Variants in CPLX3 observed in about 807,000 individuals in gnomAD.
The protein encoded by CPLX3 is complexin 3.
In CPLX3, 12 loss-of-function variants were observed where a neutral mutation model predicts 17.2. That is an observed-to-expected ratio of 0.70 (90% CI 0.45 to 1.13). CPLX3 has a LOEUF of 1.13. Among genes scored for constraint, CPLX3 ranks in the 50% most tolerant of loss-of-function variants. The pLI is 0.00. For missense variants in CPLX3, 172 were observed against 203.2 expected (o/e 0.85, Z 0.93); for synonymous variants, 75 against 79.4 (o/e 0.94, Z 0.29).
Position 74,830,354 on chromosome 15 carries a change from A to G in CPLX3, c.477A>G (p.Ter159TrpextTer37). The change falls in exon 3 of 3, where the codon TGA becomes TGG. Residue 159 changes from the stop codon to tryptophan, a stop_lost. Transcript: ENST00000395018. ...CAGCTGAGAAGTGTCACGTCATGTG[A>G]CCACTTCCCCGGGGTTACCCACTGG... ...KQSAEKCHVM[*>W] The G allele has an allele frequency of 6.2e-7, 1 of 1,611,308 alleles. No individual in the cohort carries two copies.
chr15:74,829,370 G>A (rs971024780), intron 2 of CPLX3, among the ~76,000 whole-genome samples: 2 of 152,098 alleles, frequency 1.3e-5, no homozygotes, highest in South Asian at 4.2e-4. Flanking sequence ...AAACACAGAT[G>A]TTGGAATCAG....
rs2063967834 is a variant in CPLX3, at chr15:74,831,234, T to C, written c.*880T>C. On this transcript the variant is annotated 3_prime_UTR_variant, in exon 3 of 3. Coordinates refer to ENST00000395018, the MANE Select transcript of CPLX3 (RefSeq NM_001030005.3). The stretch of plus-strand genomic sequence containing the variant: ...TGAAAAATAAAAATCCCAAATGGTG[T>C]GCCTACCTTCCCACTTCTTACTGGC... 6.6e-6 allele frequency: 1 copy of C among 152,484 alleles called. No individual in the cohort carries two copies. The highest frequency in any genetic ancestry group is 1.5e-5 in the Non-Finnish European group (1 of 68,078). The allele number at this position is 152,484 out of a possible 1,614,324, so 9.4% of individuals were successfully genotyped here.
At chr15:74,829,789 G>C (rs1449561159) in intron 2 of CPLX3, among the ~76,000 whole-genome samples, 1 of 152,058 alleles carries the variant, frequency 6.6e-6, no homozygotes, top group Non-Finnish European at 1.5e-5. Context: ...AATATAAAAA[G>C]GTCTCCATGT....
At position 74,830,521 on chromosome 15, in the gene CPLX3, G is replaced by A. The variant is rs538360936; in HGVS notation, c.*167G>A. ...CCTATCTTCTGGTTTCTTCCTCTCC[G>A]CTGGGAGTAAAGTCCCCATCTTCAC... On this transcript the variant is annotated 3_prime_UTR_variant, in exon 3 of 3. Transcript: ENST00000395018. 2.7e-4 allele frequency: 167 copies of A among 620,592 alleles called. 1 individual carries two copies. The highest frequency in any genetic ancestry group is 1.8e-3 in the African/African-American group (98 of 54,422). 38.4% of individuals were successfully genotyped at this position (620,592 alleles called of 1,614,324 possible).
Position 74,828,018 on chromosome 15 carries a change from T to C in CPLX3, c.165-16T>C. On this transcript the variant is annotated splice_polypyrimidine_tract_variant and intron_variant, in intron 1 of 2. Coordinates refer to ENST00000395018, the MANE Select transcript of CPLX3 (RefSeq NM_001030005.3). ...TCTCAGCCCTCGTGGTGACTCTGCC[T>C]CCGGTGACCCTGCAGGATGGAGCGG... The C allele has an allele frequency of 6.3e-7, 1 of 1,592,794 alleles. No homozygotes were observed. Among genetic ancestry groups the C allele is most frequent in the South Asian group, 1.1e-5 (1 of 87,796 alleles).
At position 74,830,496 on chromosome 15, in the gene CPLX3, C is replaced by T; in HGVS notation, c.*142C>T. The T allele has an allele frequency of 1.5e-6, 1 of 684,046 alleles. No homozygotes were observed. The highest frequency in any genetic ancestry group is 2.5e-6 in the Non-Finnish European group (1 of 404,172). 42.4% of individuals were successfully genotyped at this position (684,046 alleles called of 1,614,324 possible). ...AGACCTTTCCCATCCATGCCCCAAG[C>T]CTATCTTCTGGTTTCTTCCTCTCCG... On this transcript the variant is annotated 3_prime_UTR_variant, in exon 3 of 3. Coordinates refer to ENST00000395018, the MANE Select transcript of CPLX3 (RefSeq NM_001030005.3).
At chr15:74,828,217 A>T in intron 2 of CPLX3, 96 bp downstream of exon 2, 2 of 897,946 alleles carry the variant, frequency 2.2e-6, no homozygotes, top group East Asian at 5.3e-5. Flanking sequence ...CTCAGCTATG[A>T]GACTCACAGG....
chr15:74,829,881 C>T (rs1345305310), intron 2 of CPLX3, among the ~76,000 whole-genome samples: 2 of 151,680 alleles, frequency 1.3e-5, no homozygotes, highest in African/African-American at 4.9e-5. Context: ...TCTAAGGGGC[C>T]GGGCACAGTG....
At chr15:74,829,086 C>G (rs141982934) in intron 2 of CPLX3, among the ~76,000 whole-genome samples, 582 of 152,306 alleles carry the variant, frequency 3.8e-3, no homozygotes, top group Non-Finnish European at 6.8e-3. Flanking sequence ...CAAATATTTA[C>G]TGAGTCCCCA....
At chr15:74,828,822 CAG>C in intron 2 of CPLX3, among the ~76,000 whole-genome samples, 1 of 152,244 alleles carries the variant, frequency 6.6e-6, no homozygotes, top group African/African-American at 2.4e-5. Flanking sequence ...GCCAAGCAGC[CAG>C]AGAGTATATC....
At position 74,830,141 on chromosome 15, in the gene CPLX3, T is replaced by C; in HGVS notation, c.264T>C (p.Asp88=). 1 of 1,613,382 alleles carries C rather than the reference T, an allele frequency of 6.2e-7. No individual in the cohort carries two copies. The highest frequency in any genetic ancestry group is 8.5e-7 in the Non-Finnish European group (1 of 1,179,844). ...CCTCTTCCCTTCAGAACGAGACAGA[T>C]GAGAGCCAGATCCAGATGGCAGGTG... The part of the protein sequence containing the change: ...DKYRLPKNET[D]ESQIQMAGGD... Residue 88 remains aspartate, a synonymous_variant, in exon 3 of 3, where the codon GAT becomes GAC. Coordinates refer to ENST00000395018, the MANE Select transcript of CPLX3 (RefSeq NM_001030005.3).
chr15:74,829,880 C>G (rs902729339), intron 2 of CPLX3, among the ~76,000 whole-genome samples: 2 of 152,100 alleles, frequency 1.3e-5, no homozygotes, highest in Non-Finnish European at 2.9e-5. Flanking sequence ...ATCTAAGGGG[C>G]CGGGCACAGT....
rs766486957 is a variant in CPLX3, at chr15:74,826,857, G to T, written c.154G>T (p.Val52Leu). 4 of 1,598,096 alleles carry T rather than the reference G, an allele frequency of 2.5e-6. No homozygotes were observed. The highest frequency in any genetic ancestry group is 3.4e-6 in the Non-Finnish European group (4 of 1,172,416). Residue 52 changes from valine (V) to leucine (L), a missense_variant, in exon 1 of 3, where the codon GTG becomes TTG. Coordinates refer to ENST00000395018, the MANE Select transcript of CPLX3 (RefSeq NM_001030005.3). The surrounding 1 kb of genome is among the most constrained non-coding windows in gnomAD (Gnocchi z 5.0). Reference sequence around the variant, plus strand: ...GTACGAGGAGTATCAGAAGCAACTCGTGGAAGAGAAGTGAGTGGGATCCCT... The same window carrying T: ...GTACGAGGAGTATCAGAAGCAACTCTTGGAAGAGAAGTGAGTGGGATCCCT... ...EEYEEYQKQL[V>L]EEKMERDAQF...
chr15:74,826,656 T>C lies in CPLX3; in HGVS notation c.-48T>C, dbSNP rs779142407. The C allele has an allele frequency of 6.3e-7, 1 of 1,584,836 alleles. No homozygotes were observed. The highest frequency in any genetic ancestry group is 1.1e-5 in the South Asian group (1 of 89,764). On this transcript the variant is annotated 5_prime_UTR_variant, in exon 1 of 3. Transcript: ENST00000395018. This position sits in a 1 kb window ranked among gnomAD's most constrained non-coding sequence, Gnocchi z 5.0. Reference sequence around the variant, plus strand: ...CTGAAGTAGGCGCGGACGTGCCCGGTGCCTGGCGCGTGGTAGCAGGCGCCC... The same window carrying C: ...CTGAAGTAGGCGCGGACGTGCCCGGCGCCTGGCGCGTGGTAGCAGGCGCCC...
chr15:74,827,720 A>G (rs1349620167), intron 1 of CPLX3, among the ~76,000 whole-genome samples: 1 of 152,194 alleles, frequency 6.6e-6, no homozygotes, highest in African/African-American at 2.4e-5. Context: ...TTTTCCCCAC[A>G]TGACATAGCT....
chr15:74,827,987 C>T (rs143154089), intron 1 of CPLX3, 47 bp from the exon 2 acceptor site: 50 of 1,496,206 alleles, frequency 3.3e-5, no homozygotes, highest in Non-Finnish European at 4.6e-5. Flanking sequence ...GACCTCAACC[C>T]CCTTCTCTCA....
Position 74,830,116 on chromosome 15 carries a change from C to T in CPLX3, c.253-14C>T, listed in dbSNP as rs371177006. ...TCCACTCCACCCCACCCCCTCTTCC[C>T]CTCTTCCCTTCAGAACGAGACAGAT... On this transcript the variant is annotated splice_polypyrimidine_tract_variant and intron_variant, in intron 2 of 2. Coordinates refer to ENST00000395018, the MANE Select transcript of CPLX3 (RefSeq NM_001030005.3). 4 of 1,610,576 alleles carry T rather than the reference C, an allele frequency of 2.5e-6. No homozygotes were observed. In the African/African-American group the frequency reaches 5.3e-5, roughly 22 times the overall value.
chr15:74,829,813 G>A (rs372442181), intron 2 of CPLX3, among the ~76,000 whole-genome samples: 2 of 152,036 alleles, frequency 1.3e-5, no homozygotes, highest in Admixed American at 6.6e-5. Context: ...GGCATCAAAC[G>A]CTTGATCCTG....
chr15:74,827,161 A>G (rs1016102678), intron 1 of CPLX3, among the ~76,000 whole-genome samples: 8 of 152,190 alleles, frequency 5.3e-5, no homozygotes, highest in Non-Finnish European at 2.9e-5. Context: ...TGACGAAACG[A>G]TAATCCCTTA....
Sources: allele counts gnomAD v4.1 joint callset (sites outside exome capture counted in the v4.1 genomes callset), GRCh38; gene constraint gnomAD v4.1.1; non-coding constraint Gnocchi (gnomAD v3.1); transcripts MANE v1.5; gene names NCBI Gene and HGNC (gene_info 2026-07-23, HGNC 2026-07-21).